The following RPRD2 variants were observed in gnomAD, a reference collection of about 807,000 sequenced individuals.
The protein encoded by RPRD2 is regulation of nuclear pre-mRNA domain containing 2.
In RPRD2, 12 loss-of-function variants were observed where a neutral mutation model predicts 104.4. The ratio of observed to expected loss-of-function variants is 0.11; its 90% CI spans 0.07 to 0.19. The LOEUF (loss-of-function observed/expected upper bound fraction) is 0.19, where lower values mean the gene tolerates loss of function less well. Ranked by LOEUF, RPRD2 falls within the 10% of genes least tolerant of loss-of-function variation. RPRD2 has a pLI of 1.00. For missense variants in RPRD2, 1,543 were observed against 1,790.1 expected (o/e 0.86, Z 2.49); for synonymous variants, 714 against 684.9 (o/e 1.04, Z -0.66).
chr1:150,398,252 A>C (rs1259457747), intron 1 of RPRD2, among the ~76,000 whole-genome samples: 17 of 151,364 alleles, frequency 1.1e-4, no homozygotes, highest in Admixed American at 1.1e-3. Flanking sequence ...GCTGGAGTGC[A>C]GTGGCGCGAT....
chr1:150,415,481 A>G lies in RPRD2; in HGVS notation c.206-2115A>G, dbSNP rs587767210. On this transcript the variant is annotated intron_variant, in intron 1 of 10. Transcript: ENST00000369068. The stretch of plus-strand genomic sequence containing the variant: ...GCAGATTGCTTGAGCCCAGGAGTAC[A>G]GGACCAGCCTGGGCAACATGGCAAA... 9.9e-5 allele frequency among the ~76,000 whole-genome samples: 15 copies of G among 152,084 alleles called. No homozygotes were observed. The East Asian group carries it at 2.9e-3, about 29-fold the overall frequency.
chr1:150,455,405 G>A (rs1553897359), intron 7 of RPRD2, among the ~76,000 whole-genome samples: 2 of 152,050 alleles, frequency 1.3e-5, no homozygotes, highest in Admixed American at 6.6e-5. Flanking sequence ...AGGAGGCTGA[G>A]GCAGGAGAAT....
Position 150,460,081 on chromosome 1 carries a change from C to T in RPRD2, c.1175C>T (p.Pro392Leu). 6.2e-7 allele frequency: 1 copy of T among 1,613,918 alleles called. No homozygotes were observed. Among genetic ancestry groups the T allele is most frequent in the Non-Finnish European group, 8.5e-7 (1 of 1,179,856 alleles). The change falls in exon 9 of 11, where the codon CCT becomes CTT. Residue 392 changes from proline to leucine, a missense_variant. Coordinates refer to ENST00000369068, the MANE Select transcript of RPRD2 (RefSeq NM_015203.5). ...KIIVEDRKEKPAEKSAVSTSV... is the reference protein window; with the variant it reads ...KIIVEDRKEKLAEKSAVSTSV... Reference sequence around the variant, plus strand: ...ACAGTCGAGGACAGGAAGGAAAAACCTGCAGAGAAGTCAGCTGTATCCACT... The same window carrying T: ...ACAGTCGAGGACAGGAAGGAAAAACTTGCAGAGAAGTCAGCTGTATCCACT...
At chr1:150,389,983 T>G (rs1008904369) in intron 1 of RPRD2, among the ~76,000 whole-genome samples, 6 of 152,150 alleles carry the variant, frequency 3.9e-5, no homozygotes, top group African/African-American at 1.2e-4. Context: ...TGAACCTGGG[T>G]CACTACTGCC....
At chr1:150,392,533 T>G (rs1269637575) in intron 1 of RPRD2, among the ~76,000 whole-genome samples, 1 of 152,104 alleles carries the variant, frequency 6.6e-6, no homozygotes, top group African/African-American at 2.4e-5. Context: ...ATGTATAACT[T>G]TCAGCCACTA....
intron 1 of RPRD2, among the ~76,000 whole-genome samples, chr1:150,367,506 A>G (rs782640474): frequency 6.6e-5 from 10 of 152,086 alleles, no homozygotes; most frequent in Non-Finnish European, 1.2e-4. Context: ...TCCTGATGCC[A>G]CTTTGCTTCT....
intron 1 of RPRD2, among the ~76,000 whole-genome samples, chr1:150,384,471 T>C (rs1463725970): frequency 3.0e-5 from 4 of 134,482 alleles, no homozygotes; most frequent in Non-Finnish European, 6.0e-5. Flanking sequence ...TTATTATTAT[T>C]ATTATTATTA....
At chr1:150,408,866 T>G (rs587713463) in intron 1 of RPRD2, 2 of 152,350 alleles carry the variant, frequency 1.3e-5, no homozygotes, top group East Asian at 3.9e-4. Context: ...GTTTTGCAAA[T>G]GAAGACAGAC....
rs2102361873 is a variant in RPRD2 at position 150,443,254 on chromosome 1, C to G, written c.538C>G (p.Leu180Val). Reference sequence around the variant, plus strand: ...AGCATCTACAAATCCAAAAGCTGCTCTCAAGTCTAAGATAGTTGCTGAATT... The same window carrying G: ...AGCATCTACAAATCCAAAAGCTGCTGTCAAGTCTAAGATAGTTGCTGAATT... ...SQTSTNPKAA[L>V]KSKIVAEFRS... Residue 180 changes from leucine to valine, a missense_variant, in exon 5 of 11, where the codon CTC becomes GTC. Physicochemically the swap from Leu to Val is conservative, Grantham distance 32. Transcript: ENST00000369068. 6.3e-7 allele frequency: 1 copy of G among 1,577,636 alleles called. No individual in the cohort carries two copies. Among genetic ancestry groups the G allele is most frequent in the Non-Finnish European group, 8.6e-7 (1 of 1,160,000 alleles).
In RPRD2 at chr1:150,474,987, G is replaced by A. The variant is rs1175587912; in HGVS notation, c.*1653G>A. 1.3e-5 allele frequency: 2 copies of A among 152,082 alleles called. No homozygotes were observed. The highest frequency in any genetic ancestry group is 2.9e-5 in the Non-Finnish European group (2 of 68,026). The allele number at this position is 152,082 out of a possible 1,614,324, so 9.4% of individuals were successfully genotyped here. On this transcript the variant is annotated 3_prime_UTR_variant, in exon 11 of 11. Coordinates refer to ENST00000369068, the MANE Select transcript of RPRD2 (RefSeq NM_015203.5). ...CACATCATGATTTGGGAGTTTTTGC[G>A]TAATTTATTCTGTTATTTATTTGGG...
At chr1:150,425,795 G>T (rs1401635578) in intron 2 of RPRD2, among the ~76,000 whole-genome samples, 2 of 151,868 alleles carry the variant, frequency 1.3e-5, no homozygotes, top group African/African-American at 4.8e-5. Context: ...AATCTACTTG[G>T]AGATAGGAAA....
At position 150,437,288 on chromosome 1, in the gene RPRD2, G is replaced by C. The variant is rs587684545; in HGVS notation, c.336-3635G>C. 2.0e-5 allele frequency among the ~76,000 whole-genome samples: 3 copies of C among 152,236 alleles called. No individual in the cohort carries two copies. In the East Asian group the frequency reaches 5.8e-4, roughly 29 times the overall value. On this transcript the variant is annotated intron_variant, in intron 2 of 10. Transcript: ENST00000369068. Reference sequence around the variant, plus strand: ...CAAGGCAGGCAGATCACGAGGTCAAGAGATCGAGACCATCCTGGCCAACAT... The same window carrying C: ...CAAGGCAGGCAGATCACGAGGTCAACAGATCGAGACCATCCTGGCCAACAT...
intron 1 of RPRD2, among the ~76,000 whole-genome samples, chr1:150,381,090 T>C (rs1482819710): frequency 1.3e-5 from 2 of 152,168 alleles, no homozygotes; most frequent in East Asian, 1.9e-4. Flanking sequence ...TGTTCACCAC[T>C]GCATCCTCAG....
rs139642547 is a variant in RPRD2 at position 150,406,766 on chromosome 1, G to A, written c.206-10830G>A. ...TTTTGCTTTTGTTGCCCAGACTGGA[G>A]TGCAATGGCGTGATCTCGGCTCATT... On this transcript the variant is annotated intron_variant, in intron 1 of 10. Coordinates refer to ENST00000369068, the MANE Select transcript of RPRD2 (RefSeq NM_015203.5). Among the ~76,000 whole-genome samples, 1,034 of 152,326 alleles carry A rather than the reference G, an allele frequency of 6.8e-3. 5 individuals carry two copies. Among genetic ancestry groups the A allele is most frequent in the Non-Finnish European group, 8.7e-3 (591 of 68,034 alleles).
chr1:150,385,911 T>C (rs1239896880), intron 1 of RPRD2, among the ~76,000 whole-genome samples: 1 of 152,126 alleles, frequency 6.6e-6, no homozygotes, highest in Admixed American at 6.6e-5. Flanking sequence ...TCTCAATCTT[T>C]TAAGTAGGTG....
At chr1:150,464,778 T>A in intron 10 of RPRD2, 51 bp downstream of exon 10, 2 of 1,404,934 alleles carry the variant, frequency 1.4e-6, no homozygotes, top group Non-Finnish European at 2.0e-6. Flanking sequence ...TGTCTCTGGC[T>A]TAAATTAATC....
intron 5 of RPRD2, among the ~76,000 whole-genome samples, chr1:150,443,905 C>G (rs971969420): frequency 2.6e-5 from 4 of 151,456 alleles, no homozygotes; most frequent in Admixed American, 6.6e-5. Context: ...GTAGTCCCAG[C>G]TACTCAGGAG....
intron 1 of RPRD2, among the ~76,000 whole-genome samples, chr1:150,373,057 A>G (rs1660435547): frequency 6.6e-6 from 1 of 151,318 alleles, no homozygotes. Flanking sequence ...TCTGTTGCTC[A>G]GGCTGGAGTG....
At chr1:150,402,254 A>G (rs1048723950) in intron 1 of RPRD2, among the ~76,000 whole-genome samples, 1 of 152,132 alleles carries the variant, frequency 6.6e-6, no homozygotes, top group Non-Finnish European at 1.5e-5. Flanking sequence ...GGGGTTTTAA[A>G]TGGAAACATT....
Sources: gnomAD v4.1 joint callset for allele counts (sites outside exome capture counted in the v4.1 genomes callset) on GRCh38, gnomAD v4.1.1 for gene constraint, MANE v1.5 for transcripts, NCBI Gene and HGNC (gene_info 2026-07-23, HGNC 2026-07-21) for gene names.